The following ZNF562 variants were observed in gnomAD, a reference collection of about 807,000 sequenced individuals.
ZNF562 encodes zinc finger protein 562.
In ZNF562, 13 loss-of-function variants were observed where a neutral mutation model predicts 17.5. That is an observed-to-expected ratio of 0.74 (90% confidence interval 0.48 to 1.18). The LOEUF (loss-of-function observed/expected upper bound fraction) is 1.18, where lower values mean the gene tolerates loss of function less well. Among genes scored for constraint, ZNF562 ranks in the 50% most tolerant of loss-of-function variants. The pLI is 0.00. For synonymous variants in ZNF562, 163 were observed against 165.4 expected (o/e 0.99, Z 0.11); for missense variants, 481 against 498.5 (o/e 0.96, Z 0.33).
At chr19:9,664,382 C>G (rs2043868074) in intron 1 of ZNF562, among the ~76,000 whole-genome samples, 2 of 152,132 alleles carry the variant, frequency 1.3e-5, no homozygotes, top group Admixed American at 6.5e-5. Context: ...GTTTAATTTT[C>G]CCCAAGGAGG....
At chr19:9,663,122 C>G (rs1457844354) in intron 1 of ZNF562, among the ~76,000 whole-genome samples, 2 of 150,902 alleles carry the variant, frequency 1.3e-5, no homozygotes, top group African/African-American at 4.9e-5. Context: ...ACAGCCAGAA[C>G]TGGATGGGTG....
intron 1 of ZNF562, 200 bp downstream of exon 1, chr19:9,674,815 G>A (rs967837876): frequency 2.6e-5 from 4 of 152,284 alleles, no homozygotes; most frequent in African/African-American, 9.6e-5. Flanking sequence ...CGGCGGAGGC[G>A]GAACAAACAC....
rs1014671407 is a variant in ZNF562 at position 9,650,281 on chromosome 19, A to C, written c.*2668T>G. The C allele has an allele frequency of 4.6e-5, 7 of 152,040 alleles. No homozygotes were observed. Among genetic ancestry groups the C allele is most frequent in the African/African-American group, 1.7e-4 (7 of 41,400 alleles). 9.4% of individuals were successfully genotyped at this position (152,040 alleles called of 1,614,324 possible). The stretch of plus-strand genomic sequence containing the variant: ...GGTCATTGTTCAGTCCAAAGTACTT[A>C]ATATGATTCTTTTCTCTTTCCACAT... On this transcript the variant is annotated 3_prime_UTR_variant, in exon 6 of 6. Coordinates refer to ENST00000453372, the MANE Select transcript of ZNF562 (RefSeq NM_001130031.2).
Position 9,649,587 on chromosome 19 carries a change from G to A in ZNF562, c.*3362C>T, listed in dbSNP as rs1453463960. 2.0e-5 allele frequency: 3 copies of A among 152,120 alleles called. No homozygotes were observed. The highest frequency in any genetic ancestry group is 7.2e-5 in the African/African-American group (3 of 41,414). 9.4% of individuals were successfully genotyped at this position (152,120 alleles called of 1,614,324 possible). A position where few individuals can be genotyped will look rare whatever the true frequency, so the allele number is the denominator to read the frequency against. On this transcript the variant is annotated 3_prime_UTR_variant, in exon 6 of 6. Transcript: ENST00000453372. ...ATCTCTTATGGTCGAGACTGCAGGG[G>A]TGAAATAGACCCCAGTCTCCCATAG...
At chr19:9,659,138 C>G (rs1443911887) in intron 3 of ZNF562, among the ~76,000 whole-genome samples, 1 of 152,214 alleles carries the variant, frequency 6.6e-6, no homozygotes, top group Non-Finnish European at 1.5e-5. Context: ...AAGAAAGATG[C>G]AGTTGGCACC....
chr19:9,662,904 C>T (rs1191215178), intron 1 of ZNF562, among the ~76,000 whole-genome samples: 2 of 151,806 alleles, frequency 1.3e-5, no homozygotes, highest in African/African-American at 4.8e-5. Context: ...GTCCAACCTA[C>T]TCAGGAGGCT....
intron 1 of ZNF562, among the ~76,000 whole-genome samples, chr19:9,673,802 T>C (rs2044294890): frequency 6.6e-6 from 1 of 152,040 alleles, no homozygotes; most frequent in South Asian, 2.1e-4. Flanking sequence ...GGTCAGGAGT[T>C]CGAGACCAGC....
chr19:9,674,855 G>C (rs1040922502), intron 1 of ZNF562, 160 bp downstream of exon 1: 1 of 152,322 alleles, frequency 6.6e-6, no homozygotes, highest in Non-Finnish European at 1.5e-5. Flanking sequence ...CGGACTGTGC[G>C]GCCTCTCGGA....
Position 9,669,716 on chromosome 19 carries a change from GAGCGCGCGCGCGCGCGCGCACACACA to G in ZNF562, c.-131+5273_-131+5298del, listed in dbSNP as rs1037729725. Among the ~76,000 whole-genome samples, 10 of 83,982 alleles carry G rather than the reference GAGCGCGCGCGCGCGCGCGCACACACA, an allele frequency of 1.2e-4. No individual in the cohort carries two copies. The South Asian group carries it at 2.1e-3, about 17-fold the overall frequency. 55.1% of individuals were successfully genotyped at this position (83,982 alleles called of 152,430 possible). A position where few individuals can be genotyped will look rare whatever the true frequency, so the allele number is the denominator to read the frequency against. On this transcript the variant is annotated intron_variant, in intron 1 of 5. Transcript: ENST00000453372. ...AAGACCTGTCTGCATGCACGCGCGC[GAGCGCGCGCGCGCGCGCGCACACACA>G]CACACACACACACACACACACACAC... is the stretch of plus-strand genomic sequence containing the variant.
intron 1 of ZNF562, among the ~76,000 whole-genome samples, chr19:9,672,533 GA>G (rs1215601110): frequency 6.6e-6 from 1 of 151,748 alleles, no homozygotes; most frequent in Non-Finnish European, 1.5e-5. Flanking sequence ...AAATTTTTCA[GA>G]AAAAAATGTA....
intron 1 of ZNF562, among the ~76,000 whole-genome samples, chr19:9,669,734 G>GCGCGCGCACA (rs1221319747): frequency 8.2e-5 from 9 of 109,302 alleles, no homozygotes; most frequent in East Asian, 5.9e-4. Flanking sequence ...GCGCGCGCGC[G>GCGCGCGCACA]CACACACACA....
intron 1 of ZNF562, among the ~76,000 whole-genome samples, chr19:9,674,115 T>A (rs2044310193): frequency 6.6e-6 from 1 of 152,214 alleles, no homozygotes; most frequent in Non-Finnish European, 1.5e-5. Context: ...CCTTCCCCGA[T>A]GGCTAGGGTT....
chr19:9,649,314 G>A lies in ZNF562; in HGVS notation c.*3635C>T, dbSNP rs2074836338. On this transcript the variant is annotated 3_prime_UTR_variant, in exon 6 of 6. Coordinates refer to ENST00000453372, the MANE Select transcript of ZNF562 (RefSeq NM_001130031.2). ...TAACTGCACAAATTATACAGCATGT[G>A]TGTTTGAGCAATATGAAATCTGGGC... 6.6e-6 allele frequency: 1 copy of A among 152,138 alleles called. No homozygotes were observed. The highest frequency in any genetic ancestry group is 1.5e-5 in the Non-Finnish European group (1 of 68,032). The allele number at this position is 152,138 out of a possible 1,614,324, so 9.4% of individuals were successfully genotyped here.
At chr19:9,663,297 G>A (rs1231179054) in intron 1 of ZNF562, among the ~76,000 whole-genome samples, 1 of 149,632 alleles carries the variant, frequency 6.7e-6, no homozygotes, top group African/African-American at 2.5e-5. Flanking sequence ...TGTAGTCCCA[G>A]ATACTCAGGA....
intron 2 of ZNF562, among the ~76,000 whole-genome samples, chr19:9,659,806 T>A (rs1293821935): frequency 2.6e-5 from 4 of 151,348 alleles, no homozygotes; most frequent in Non-Finnish European, 5.9e-5. Flanking sequence ...TAAAACAGCA[T>A]TCTGACTGGG....
chr19:9,659,233 TG>T, intron 3 of ZNF562, 145 bp downstream of exon 3: 1 of 704,232 alleles, frequency 1.4e-6, no homozygotes. Flanking sequence ...CTTCATTCCC[TG>T]GGGAAATTCA....
At chr19:9,664,600 A>T (rs1430685119) in intron 1 of ZNF562, among the ~76,000 whole-genome samples, 1 of 152,192 alleles carries the variant, frequency 6.6e-6, no homozygotes, top group Non-Finnish European at 1.5e-5. Flanking sequence ...TTATGGATGT[A>T]ATCATATATG....
intron 1 of ZNF562, among the ~76,000 whole-genome samples, chr19:9,663,555 G>T (rs1599302661): frequency 6.6e-6 from 1 of 152,160 alleles, no homozygotes; most frequent in East Asian, 1.9e-4. Flanking sequence ...CACACTGGTT[G>T]ACTGTGTAGA....
At chr19:9,669,726 G>GCACA (rs1190709144) in intron 1 of ZNF562, among the ~76,000 whole-genome samples, 31 of 85,080 alleles carry the variant, frequency 3.6e-4, no homozygotes, top group African/African-American at 1.3e-3. Flanking sequence ...GAGCGCGCGC[G>GCACA]CGCGCGCGCA....
Sources: allele counts gnomAD v4.1 joint callset (sites outside exome capture counted in the v4.1 genomes callset), GRCh38; gene constraint gnomAD v4.1.1; transcripts MANE v1.5; gene names NCBI Gene and HGNC (gene_info 2026-07-23, HGNC 2026-07-21).